Variants in USP35 observed in about 807,000 individuals in gnomAD.
USP35 encodes ubiquitin specific peptidase 35.
In USP35, 69 loss-of-function variants were observed where a neutral mutation model predicts 83.8. The ratio of observed to expected loss-of-function variants is 0.82; its 90% CI spans 0.68 to 1.01. The LOEUF (loss-of-function observed/expected upper bound fraction) is 1.01, where lower values mean the gene tolerates loss of function less well. Ranked by LOEUF, USP35 falls within the 50% of genes least tolerant of loss-of-function variation. USP35 has a pLI of 0.00. For missense variants in USP35, 1,503 were observed against 1,362.5 expected, an observed-to-expected ratio of 1.10 and a Z score of -1.62; for synonymous variants, 714 against 589.5, an observed-to-expected ratio of 1.21 and a Z score of -3.06.
chr11:78,205,106 A>G (rs1280064601), intron 6 of USP35, among the ~76,000 whole-genome samples: 2 of 152,228 alleles, frequency 1.3e-5, no homozygotes, highest in East Asian at 3.8e-4. Flanking sequence ...CATTAGAACT[A>G]GTGCTTGGTG....
At chr11:78,206,146 T>C in intron 7 of USP35, 111 bp downstream of exon 7, 1 of 1,329,314 alleles carries the variant, frequency 7.5e-7, no homozygotes, top group Non-Finnish European at 1.0e-6. Flanking sequence ...GGCCTTGCTT[T>C]GCATTGCCAG....
Position 78,210,655 on chromosome 11 carries a change from G to T in USP35, c.2800G>T (p.Glu934Ter). The change falls in exon 10 of 11, where the codon GAG becomes TAG. Residue 934 changes from glutamate (E) to a stop codon, truncating the protein, a stop_gained. Coordinates refer to ENST00000529308, the MANE Select transcript of USP35 (RefSeq NM_020798.4). LOFTEE classifies it high-confidence loss of function. Reference protein sequence around the residue: ...RQRPREGPEAELGSSRVRTEP... With the variant: ...RQRPREGPEA ...GCGGCCCAGGGAGGGGCCCGAGGCT[G>T]AGTTGGGCTCTTCTAGAGTCCGGAC... 1 of 1,613,970 alleles carries T rather than the reference G, an allele frequency of 6.2e-7. No individual in the cohort carries two copies. Among genetic ancestry groups the T allele is most frequent in the Non-Finnish European group, 8.5e-7 (1 of 1,179,916 alleles).
downstream of USP35, chr11:78,219,213 G>T (rs1864294781): frequency 6.6e-7 from 1 of 1,521,228 alleles, no homozygotes; most frequent in Non-Finnish European, 9.1e-7. Context: ...GGGGAGAGGG[G>T]AGATGGGAAG....
downstream of USP35, chr11:78,216,607 G>GTAGT (rs1864159478): frequency 1.3e-5 from 2 of 152,200 alleles, no homozygotes; most frequent in African/African-American, 2.4e-5. Context: ...AAGCCTCCTG[G>GTAGT]TAGTTACCAG....
intron 10 of USP35, among the ~76,000 whole-genome samples, chr11:78,213,031 C>T (rs1863855420): frequency 6.6e-6 from 1 of 152,154 alleles, no homozygotes; most frequent in Admixed American, 6.5e-5. Flanking sequence ...GGGATGGGTG[C>T]CAGTGCCTGG....
Position 78,210,157 on chromosome 11 carries a change from T to C in USP35, c.2302T>C (p.Phe768Leu). ...SRSVLDLVNY[F>L]LSPEKLTAEN... ...CTCCGTCCTGGACCTGGTTAACTAC[T>C]TCCTGTCCCCCGAGAAGCTGACAGC... Residue 768 changes from phenylalanine to leucine, a missense_variant, in exon 10 of 11, where the codon TTC becomes CTC. Transcript: ENST00000529308. 1 of 1,613,720 alleles carries C rather than the reference T, an allele frequency of 6.2e-7. No individual in the cohort carries two copies. The highest frequency in any genetic ancestry group is 8.5e-7 in the Non-Finnish European group (1 of 1,179,858).
intron 9 of USP35, 49 bp from the exon 10 acceptor site, chr11:78,209,399 G>C (rs375512212): frequency 1.3e-6 from 2 of 1,505,732 alleles, no homozygotes; most frequent in South Asian, 1.3e-5. Context: ...TGAGTGCCCC[G>C]GAAGGGGACC....
Position 78,196,444 on chromosome 11 carries a change from G to A in USP35, c.199G>A (p.Val67Met), listed in dbSNP as rs1482441291. ...PRRVGCQLLHVAGRHHPDVFA... is the reference protein window; with the variant it reads ...PRRVGCQLLHMAGRHHPDVFA... The stretch of plus-strand genomic sequence containing the variant: ...CCGCGTGGGCTGCCAGCTGCTGCAC[G>A]TGGCCGGCCGCCACCACCCCGACGT... The change falls in exon 2 of 11, where the codon GTG becomes ATG. Residue 67 changes from valine to methionine, a missense_variant. Physicochemically the swap from Val to Met is conservative, Grantham distance 21 (BLOSUM62 1). Coordinates refer to ENST00000529308, the MANE Select transcript of USP35 (RefSeq NM_020798.4). The surrounding 1 kb of genome is among the most constrained non-coding windows in gnomAD (Gnocchi z 4.8). 1.6e-6 allele frequency: 2 copies of A among 1,269,256 alleles called. No individual in the cohort carries two copies. The highest frequency in any genetic ancestry group is 2.0e-6 in the Non-Finnish European group (2 of 1,008,124). 78.6% of individuals were successfully genotyped at this position (1,269,256 alleles called of 1,614,324 possible). A position where few individuals can be genotyped will look rare whatever the true frequency, so the allele number is the denominator to read the frequency against.
intron 1 of USP35, among the ~76,000 whole-genome samples, chr11:78,193,443 C>T (rs1863056361): frequency 6.6e-6 from 1 of 151,440 alleles, no homozygotes; most frequent in Admixed American, 6.6e-5. Flanking sequence ...GAGCTCAAGC[C>T]ATCTCCCCAC....
intron 3 of USP35, 117 bp downstream of exon 3, chr11:78,198,185 C>T: frequency 1.4e-6 from 2 of 1,462,900 alleles, no homozygotes; most frequent in South Asian, 1.3e-5. Flanking sequence ...GGCCCAGGCC[C>T]TCATGTGTGT....
Position 78,197,979 on chromosome 11 carries a change from C to T in USP35, c.717C>T (p.His239=), listed in dbSNP as rs201302569. The T allele has an allele frequency of 1.4e-4, 227 of 1,614,134 alleles. 1 individual carries two copies. Among genetic ancestry groups the T allele is most frequent in the Non-Finnish European group, 2.6e-5 (31 of 1,180,050 alleles). The change falls in exon 3 of 11, where the codon CAC becomes CAT. Residue 239 remains histidine (H), a synonymous_variant. Transcript: ENST00000529308. ...GCGCCCTGGCCAGCGTGGTCCAGCA[C>T]CTCCCATTGGAGCTCATGGATGGTG... is the stretch of plus-strand genomic sequence containing the variant. ...PSSALASVVQ[H]LPLELMDGVV... is the part of the protein sequence containing the mutation.
chr11:78,209,735 C>T lies in USP35; in HGVS notation c.1880C>T (p.Pro627Leu), dbSNP rs1863668397. 2 of 1,613,884 alleles carry T rather than the reference C, an allele frequency of 1.2e-6. No individual in the cohort carries two copies. Among genetic ancestry groups the T allele is most frequent in the South Asian group, 1.1e-5 (1 of 91,078 alleles). The change falls in exon 10 of 11, where the codon CCC (proline) becomes CTC (leucine). Residue 627 changes from proline to leucine, a missense_variant. Transcript: ENST00000529308. Reference sequence around the variant, plus strand: ...GAAGACATCACAGCCCGGGAGTTGCCCCCACCAACCAGTGCACAGGGGCCA... The same window carrying T: ...GAAGACATCACAGCCCGGGAGTTGCTCCCACCAACCAGTGCACAGGGGCCA... Reference protein sequence around the residue: ...PTEDITARELPPPTSAQGPGR... With the variant: ...PTEDITARELLPPTSAQGPGR...
the USP35 span, among the ~76,000 whole-genome samples, chr11:78,224,623 AG>A: frequency 6.6e-6 from 1 of 152,202 alleles, no homozygotes; most frequent in Admixed American, 6.5e-5. Context: ...GCCTGAAGCC[AG>A]GCCCTGGTCT....
rs1482135718 is a variant in USP35, at chr11:78,207,558, G to A, written c.1420G>A (p.Glu474Lys). Residue 474 changes from glutamate (E) to lysine (K), a missense_variant, in exon 8 of 11, where the codon GAG becomes AAG. Physicochemically the swap from Glu to Lys is moderately conservative, Grantham distance 56 (BLOSUM62 1). Transcript: ENST00000529308. ...DFRHCVLRLT[E>K]NNSQPLMTKL... ...CAGACATTGTGTGCTCCGCTTGACT[G>A]AGAACAACTCACAGCCCCTGATGAC... The A allele has an allele frequency of 6.2e-7, 1 of 1,614,138 alleles. No individual in the cohort carries two copies. The highest frequency in any genetic ancestry group is 1.7e-5 in the Admixed American group (1 of 60,020).
At chr11:78,221,889 C>T in the USP35 span, 2 of 725,098 alleles carry the variant, frequency 2.8e-6, no homozygotes, top group Non-Finnish European at 2.4e-6. Flanking sequence ...GCCATTAGAG[C>T]TGCACACTCC....
chr11:78,196,855 C>T lies in USP35; in HGVS notation c.610C>T (p.Arg204Cys), dbSNP rs1036339321. 3 of 1,503,626 alleles carry T rather than the reference C, an allele frequency of 2.0e-6. No individual in the cohort carries two copies. In the African/African-American group the frequency reaches 4.2e-5, roughly 21 times the overall value. The allele number at this position is 1,503,626 out of a possible 1,614,324, so 93.1% of individuals were successfully genotyped here. A position where few individuals can be genotyped will look rare whatever the true frequency, so the allele number is the denominator to read the frequency against. ...QVSGLLAQLW[R>C]AQPAAILPCL... ...GAGCGGGCTCCTGGCGCAGCTGTGG[C>T]GCGCACAGCCCGCCGCCATCCTGCC... Residue 204 changes from arginine to cysteine, a missense_variant, in exon 2 of 11, where the codon CGC (arginine) becomes TGC (cysteine). By Grantham distance (180) the Arg-to-Cys change is radical. Coordinates refer to ENST00000529308, the MANE Select transcript of USP35 (RefSeq NM_020798.4). The surrounding 1 kb of genome is among the most constrained non-coding windows in gnomAD (Gnocchi z 4.8).
rs1240876952 is a variant in USP35 at position 78,196,793 on chromosome 11, A to G, written c.548A>G (p.Glu183Gly). 1 of 1,534,096 alleles carries G rather than the reference A, an allele frequency of 6.5e-7. No homozygotes were observed. Among genetic ancestry groups the G allele is most frequent in the Non-Finnish European group, 8.7e-7 (1 of 1,145,896 alleles). ...TTCCGCTGCCCAGCCGAAGGCGAGG[A>G]GGGCGCCGTGGAGTTCCTAGAGCAG... ...GRFRCPAEGE[E>G]GAVEFLEQAQ... The change falls in exon 2 of 11, where the codon GAG becomes GGG. Residue 183 changes from glutamate (E) to glycine (G), a missense_variant. Transcript: ENST00000529308. This position sits in a 1 kb window ranked among gnomAD's most constrained non-coding sequence, Gnocchi z 4.8.
intron 10 of USP35, among the ~76,000 whole-genome samples, chr11:78,212,812 TTCTG>T (rs1863841347): frequency 6.6e-6 from 1 of 152,156 alleles, no homozygotes; most frequent in Admixed American, 6.5e-5. Context: ...AATGACATGA[TTCTG>T]TATCATCTAG....
the USP35 span, among the ~76,000 whole-genome samples, chr11:78,220,977 C>A: frequency 3.3e-5 from 5 of 152,236 alleles, no homozygotes; most frequent in African/African-American, 7.2e-5. Flanking sequence ...CTTGCTCCCC[C>A]GCCTAGCTCC....
Sources: allele counts gnomAD v4.1 joint callset (sites outside exome capture counted in the v4.1 genomes callset), GRCh38; gene constraint gnomAD v4.1.1; non-coding constraint Gnocchi (gnomAD v3.1); transcripts MANE v1.5; gene names NCBI Gene and HGNC (gene_info 2026-07-23, HGNC 2026-07-21).